GALNT13: variants seen among roughly 807,000 people sequenced by gnomAD.
The protein encoded by GALNT13 is polypeptide N-acetylgalactosaminyltransferase 13.
Under a neutral mutation model 64.2 loss-of-function variants are expected in GALNT13, and 28 were observed. That is an observed-to-expected ratio of 0.44 (90% confidence interval 0.32 to 0.60). The LOEUF (loss-of-function observed/expected upper bound fraction) is 0.60. Ranked by LOEUF, GALNT13 falls within the 20% of genes least tolerant of loss-of-function variation. The pLI, the probability that GALNT13 is intolerant of heterozygous loss-of-function variation, is 0.05. For synonymous variants in GALNT13, 214 were observed against 224.6 expected, an observed-to-expected ratio of 0.95 and a Z score of 0.42; for missense variants, 577 against 669.8, an observed-to-expected ratio of 0.86 and a Z score of 1.53.
chr2:154,174,726 A>G (rs1419677082), intron 4 of GALNT13, among the ~76,000 whole-genome samples: 1 of 152,104 alleles, frequency 6.6e-6, no homozygotes, highest in Non-Finnish European at 1.5e-5. Flanking sequence ...TACATTTCTC[A>G]TTGGGAAATA....
the GALNT13 span, among the ~76,000 whole-genome samples, chr2:153,316,363 C>A: frequency 3.4e-4 from 52 of 152,186 alleles, no homozygotes; most frequent in South Asian, 5.6e-3. Flanking sequence ...CTTGTACAGG[C>A]CTGGCATGGT....
rs566047754 is a variant in GALNT13, at chr2:154,112,880, G to T, written c.143-27457G>T. On this transcript the variant is annotated intron_variant, in intron 3 of 12. Coordinates refer to ENST00000392825, the MANE Select transcript of GALNT13 (RefSeq NM_052917.4). ...GGTGCAGGCTTGGGGAGAGAAGGCA[G>T]GGTGGCCGGAGTACAGACCATGGGC... is the stretch of plus-strand genomic sequence containing the variant. Among the ~76,000 whole-genome samples the T allele has an allele frequency of 2.0e-4, 30 of 152,300 alleles. No homozygotes were observed. The South Asian group carries it at 5.4e-3, about 27-fold the overall frequency.
intron 4 of GALNT13, among the ~76,000 whole-genome samples, chr2:154,181,094 G>T (rs571353326): frequency 6.6e-6 from 1 of 152,064 alleles, no homozygotes; most frequent in Non-Finnish European, 1.5e-5. Context: ...TGCAGATTTT[G>T]GTATCCACTG....
At chr2:153,166,981 C>G in the GALNT13 span, among the ~76,000 whole-genome samples, 1 of 152,222 alleles carries the variant, frequency 6.6e-6, no homozygotes, top group African/African-American at 2.4e-5. Context: ...TCAGCTCTGA[C>G]TGAGACCTTG....
chr2:153,689,070 A>ATGTGTG, the GALNT13 span, among the ~76,000 whole-genome samples: 1,789 of 127,740 alleles, frequency 0.014, 24 homozygotes, highest in African/African-American at 0.022. Context: ...CCGCGTGTGT[A>ATGTGTG]TGTGTGTGTG....
At chr2:154,439,910 G>A (rs1271422658) in intron 12 of GALNT13, among the ~76,000 whole-genome samples, 9 of 152,074 alleles carry the variant, frequency 5.9e-5, no homozygotes, top group Admixed American at 5.2e-4. Context: ...AGATGCTACT[G>A]CCTTCGCTAT....
chr2:153,720,053 A>G, the GALNT13 span, among the ~76,000 whole-genome samples: 6 of 148,926 alleles, frequency 4.0e-5, no homozygotes, highest in South Asian at 2.1e-4. Flanking sequence ...GCAGACTTAA[A>G]TGTCCCTGTC....
the GALNT13 span, among the ~76,000 whole-genome samples, chr2:153,199,563 C>A: frequency 6.6e-6 from 1 of 152,192 alleles, no homozygotes; most frequent in African/African-American, 2.4e-5. Context: ...GCTCTACTCC[C>A]AGGCCTCTTG....
At chr2:153,094,916 A>G in the GALNT13 span, among the ~76,000 whole-genome samples, 1 of 152,204 alleles carries the variant, frequency 6.6e-6, no homozygotes, top group East Asian at 1.9e-4. Context: ...TAAATTTTAG[A>G]CCTAAAACCA....
chr2:153,397,594 G>C, the GALNT13 span, among the ~76,000 whole-genome samples: 3 of 151,868 alleles, frequency 2.0e-5, no homozygotes, highest in African/African-American at 7.3e-5. Flanking sequence ...TTTGGAATTA[G>C]GTATGAGAGA....
At chr2:154,285,669 T>C (rs1415242172) in intron 8 of GALNT13, among the ~76,000 whole-genome samples, 1 of 152,184 alleles carries the variant, frequency 6.6e-6, no homozygotes, top group Non-Finnish European at 1.5e-5. Flanking sequence ...AGCTTTGCTC[T>C]TTTTGTTCAA....
chr2:154,294,762 T>TAATGG, intron 8 of GALNT13, among the ~76,000 whole-genome samples: 1 of 152,230 alleles, frequency 6.6e-6, no homozygotes, highest in African/African-American at 2.4e-5. Flanking sequence ...AAGTGTGATC[T>TAATGG]AATGGAATTA....
the GALNT13 span, among the ~76,000 whole-genome samples, chr2:153,721,512 T>A: frequency 2.7e-5 from 4 of 150,612 alleles, no homozygotes; most frequent in Non-Finnish European, 5.9e-5. Context: ...AGACACAGAC[T>A]GGCAAGTTAG....
chr2:153,297,551 A>C, the GALNT13 span, among the ~76,000 whole-genome samples: 2 of 152,322 alleles, frequency 1.3e-5, no homozygotes, highest in East Asian at 3.9e-4. Flanking sequence ...ATGCAGTAAA[A>C]ATTTAGAAAT....
chr2:154,303,461 CG>C (rs758291973), intron 9 of GALNT13, among the ~76,000 whole-genome samples: 13 of 152,062 alleles, frequency 8.5e-5, no homozygotes, highest in Non-Finnish European at 1.6e-4. Context: ...AAGATGGAGT[CG>C]CTGTTTGGAA....
intron 9 of GALNT13, among the ~76,000 whole-genome samples, chr2:154,349,000 G>T (rs148482081): frequency 1.1e-3 from 166 of 152,210 alleles, no homozygotes; most frequent in African/African-American, 3.9e-3. Context: ...TTTGTTGCAG[G>T]TTCACTAAAC....
the GALNT13 span, among the ~76,000 whole-genome samples, chr2:153,705,820 G>T: frequency 6.6e-6 from 1 of 152,144 alleles, no homozygotes; most frequent in African/African-American, 2.4e-5. Flanking sequence ...CAAAGGTCAT[G>T]GATCAGAGGA....
chr2:153,517,301 C>T, the GALNT13 span, among the ~76,000 whole-genome samples: 272 of 152,258 alleles, frequency 1.8e-3, 1 homozygote, highest in African/African-American at 6.3e-3. Flanking sequence ...TCAATAGACC[C>T]TGAGTGTTTT....
chr2:153,925,498 CTTT>C (rs35443709), intron 2 of GALNT13, among the ~76,000 whole-genome samples: 10 of 117,640 alleles, frequency 8.5e-5, no homozygotes, highest in African/African-American at 1.8e-4. Flanking sequence ...AAGCCTCGAG[CTTT>C]TTTTTTTTTT....
Sources: gnomAD v4.1 joint callset for allele counts (sites outside exome capture counted in the v4.1 genomes callset) on GRCh38, gnomAD v4.1.1 for gene constraint, MANE v1.5 for transcripts, NCBI Gene and HGNC (gene_info 2026-07-23, HGNC 2026-07-21) for gene names.